The following ZNF100 variants were observed in gnomAD, a reference collection of about 807,000 sequenced individuals.
ZNF100 encodes zinc finger protein 100 (Y1).
A neutral mutation model predicts 15.8 loss-of-function variants in ZNF100; 12 were observed. That is an observed-to-expected ratio of 0.76 (90% confidence interval 0.49 to 1.23). The LOEUF is 1.23. ZNF100 is among the 50% of genes most tolerant of loss of function. The probability of loss-of-function intolerance (pLI) is 0.00; values close to 1 mark genes in which losing one functional copy is unlikely to be tolerated. For synonymous variants in ZNF100, 226 were observed against 214.8 expected (o/e 1.05, Z -0.45); for missense variants, 670 against 635.6 (o/e 1.05, Z -0.58).
intron 4 of ZNF100, among the ~76,000 whole-genome samples, chr19:21,736,688 AAC>A (rs1311877480): frequency 1.3e-5 from 2 of 152,234 alleles, no homozygotes; most frequent in Middle Eastern, 3.2e-3. Context: ...CCAAAATCAT[AAC>A]AGTTTCTCAG....
At chr19:21,763,552 T>C (rs556888068) in intron 2 of ZNF100, among the ~76,000 whole-genome samples, 1 of 152,236 alleles carries the variant, frequency 6.6e-6, no homozygotes, top group Admixed American at 6.5e-5. Flanking sequence ...ATTGCACCAC[T>C]GCACTTCAGC....
intron 2 of ZNF100, among the ~76,000 whole-genome samples, chr19:21,765,218 A>G (rs17701305): frequency 0.042 from 6,441 of 152,330 alleles, 233 homozygotes; most frequent in South Asian, 0.15. Context: ...TGAGGTCAAA[A>G]TAAGTGACAA....
chr19:21,729,800 T>C (rs1275944675), intron 4 of ZNF100, among the ~76,000 whole-genome samples: 1 of 152,008 alleles, frequency 6.6e-6, no homozygotes, highest in Non-Finnish European at 1.5e-5. Flanking sequence ...TGTTAATAAA[T>C]ATACAACATA....
chr19:21,758,466 T>C lies in ZNF100; in HGVS notation c.96+7228A>G, dbSNP rs149487290. Among the ~76,000 whole-genome samples the C allele has an allele frequency of 2.8e-4, 42 of 152,312 alleles. No individual in the cohort carries two copies. In the East Asian group the frequency reaches 8.1e-3, roughly 29 times the overall value. ...GAAGAATGCAGTGTAAGTGGATTGT[T>C]TGTTCTACAGACAGTGGCCCAGGTG... On this transcript the variant is annotated intron_variant, in intron 2 of 4. Coordinates refer to ENST00000358296, the MANE Select transcript of ZNF100 (RefSeq NM_173531.4).
At chr19:21,739,606 G>A (rs893188529) in intron 4 of ZNF100, among the ~76,000 whole-genome samples, 3 of 152,108 alleles carry the variant, frequency 2.0e-5, no homozygotes, top group African/African-American at 4.8e-5. Flanking sequence ...TGCACTGCAT[G>A]GTATCTGACC....
chr19:21,736,219 G>A (rs1341305707), intron 4 of ZNF100, among the ~76,000 whole-genome samples: 1 of 152,076 alleles, frequency 6.6e-6, no homozygotes, highest in Non-Finnish European at 1.5e-5. Context: ...TCCTGAGTAG[G>A]TGGGATTACA....
chr19:21,755,993 G>A (rs973782824), intron 2 of ZNF100, among the ~76,000 whole-genome samples: 1 of 152,036 alleles, frequency 6.6e-6, no homozygotes, highest in Non-Finnish European at 1.5e-5. Context: ...AAACCACCAT[G>A]GCACACATAC....
Position 21,724,633 on chromosome 19 carries a change from G to T in ZNF100, c.*2050C>A, listed in dbSNP as rs1359598094. On this transcript the variant is annotated 3_prime_UTR_variant, in exon 5 of 5. Transcript: ENST00000358296. ...ACAAAGGATAAATACTAGAGGTGAT[G>T]GATACCTCATTTACCCTGATGTGAT... The T allele has an allele frequency of 2.0e-5, 3 of 151,518 alleles. No individual in the cohort carries two copies. Among genetic ancestry groups the T allele is most frequent in the African/African-American group, 7.3e-5 (3 of 41,130 alleles). The allele number at this position is 151,518 out of a possible 1,614,324, so 9.4% of individuals were successfully genotyped here.
intron 2 of ZNF100, chr19:21,750,443 A>G (rs1442500544): frequency 6.6e-6 from 1 of 152,186 alleles, no homozygotes; most frequent in Non-Finnish European, 1.5e-5. Flanking sequence ...GATGTGAAAA[A>G]CCTCAATAAA....
At chr19:21,744,480 C>T (rs555362173) in intron 3 of ZNF100, among the ~76,000 whole-genome samples, 2 of 152,296 alleles carry the variant, frequency 1.3e-5, no homozygotes, top group East Asian at 3.9e-4. Context: ...TCAAGCAATT[C>T]TCCTGCCTCA....
chr19:21,733,762 CCA>C (rs2035962647), intron 4 of ZNF100, among the ~76,000 whole-genome samples: 1 of 148,494 alleles, frequency 6.7e-6, no homozygotes, highest in Non-Finnish European at 1.5e-5. Context: ...TGAGTGAGGA[CCA>C]CCCCACCAAC....
At chr19:21,764,571 C>T (rs1019336294) in intron 2 of ZNF100, among the ~76,000 whole-genome samples, 3 of 150,454 alleles carry the variant, frequency 2.0e-5, no homozygotes, top group East Asian at 2.0e-4. Flanking sequence ...ACCCGGGAGG[C>T]GGAGGTTGCA....
At chr19:21,767,345 C>T (rs1376003082) in intron 1 of ZNF100, 82 bp downstream of exon 1, 1 of 1,607,700 alleles carries the variant, frequency 6.2e-7, no homozygotes, top group African/African-American at 1.3e-5. Context: ...GCGGAGAGGC[C>T]TGAGTCCCGC....
chr19:21,757,870 T>A (rs2036415372), intron 2 of ZNF100, among the ~76,000 whole-genome samples: 1 of 151,926 alleles, frequency 6.6e-6, no homozygotes, highest in Non-Finnish European at 1.5e-5. Context: ...ACCCCATCTC[T>A]ACAAAAAATA....
At chr19:21,743,520 A>C (rs1275838182) in intron 4 of ZNF100, among the ~76,000 whole-genome samples, 1 of 152,214 alleles carries the variant, frequency 6.6e-6, no homozygotes, top group Non-Finnish European at 1.5e-5. Context: ...TATAAGTTCT[A>C]ACTATATTTC....
intron 4 of ZNF100, among the ~76,000 whole-genome samples, chr19:21,733,174 A>G (rs1018409451): frequency 6.6e-6 from 1 of 152,250 alleles, no homozygotes; most frequent in Non-Finnish European, 1.5e-5. Context: ...ATACAGACAC[A>G]TATAGAATTT....
chr19:21,756,444 A>T (rs978289176), intron 2 of ZNF100, among the ~76,000 whole-genome samples: 5 of 152,136 alleles, frequency 3.3e-5, no homozygotes, highest in Non-Finnish European at 5.9e-5. Context: ...CATCAACAAC[A>T]TCCAAGCCAA....
intron 2 of ZNF100, chr19:21,750,763 G>GTT (rs2145728837): frequency 2.7e-6 from 1 of 364,646 alleles, no homozygotes; most frequent in African/African-American, 2.1e-5. Context: ...CTGCGCCATT[G>GTT]TTGGGGGAGG....
chr19:21,751,023 CCACCA>C (rs1236257891), intron 2 of ZNF100: 3 of 1,292,234 alleles, frequency 2.3e-6, no homozygotes, highest in Non-Finnish European at 3.3e-6. Flanking sequence ...CGGGCGAGGG[CCACCA>C]CCTGCAGCAC....
Sources: gnomAD v4.1 joint callset for allele counts (sites outside exome capture counted in the v4.1 genomes callset) on GRCh38, gnomAD v4.1.1 for gene constraint, MANE v1.5 for transcripts, NCBI Gene and HGNC (gene_info 2026-07-23, HGNC 2026-07-21) for gene names.